TBCD: variants seen among roughly 807,000 people sequenced by gnomAD.
TBCD encodes the protein tubulin folding cofactor D.
TBCD carries 105 observed loss-of-function variants against 169.3 expected under a neutral mutation model. The ratio of observed to expected loss-of-function variants is 0.62; its 90% CI spans 0.53 to 0.73. The LOEUF is 0.73. Ranked by LOEUF, TBCD falls within the 30% of genes least tolerant of loss-of-function variation. The pLI is 0.00. For synonymous variants in TBCD, 700 were observed against 643.9 expected (o/e 1.09, Z -1.32); for missense variants, 1,444 against 1,600.1 (o/e 0.90, Z 1.66).
At chr17:82,898,100 G>T (rs893350155) in intron 17 of TBCD, among the ~76,000 whole-genome samples, 8 of 149,534 alleles carry the variant, frequency 5.3e-5, no homozygotes, top group African/African-American at 2.0e-4. Flanking sequence ...TGAGCACACG[G>T]CATGGCTCTG....
Position 82,939,415 on chromosome 17 carries a change from A to G in TBCD, c.3418A>G (p.Ser1140Gly), listed in dbSNP as rs1156739534. Residue 1140 changes from serine to glycine, a missense_variant, in exon 37 of 39, where the codon AGT becomes GGT. Physicochemically the swap from Ser to Gly is moderately conservative, Grantham distance 56. Coordinates refer to ENST00000355528, the MANE Select transcript of TBCD (RefSeq NM_005993.5). ...SQVYETLLTYSDVVGADVLDE... is the reference protein window; with the variant it reads ...SQVYETLLTYGDVVGADVLDE... Reference sequence around the variant, plus strand: ...GGTGTACGAGACATTGCTCACCTACAGTGACGTCGTGGGCGCGGATGTGCT... The same window carrying G: ...GGTGTACGAGACATTGCTCACCTACGGTGACGTCGTGGGCGCGGATGTGCT... 6.2e-7 allele frequency: 1 copy of G among 1,613,478 alleles called. No individual in the cohort carries two copies. The highest frequency in any genetic ancestry group is 1.7e-5 in the Admixed American group (1 of 59,966).
chr17:82,830,388 C>T lies in TBCD; in HGVS notation c.1318+15454C>T, dbSNP rs145009824. The T allele has an allele frequency of 1.2e-4, 189 of 1,612,296 alleles. No homozygotes were observed. The African/African-American group carries it at 2.2e-3, about 19-fold the overall frequency. On this transcript the variant is annotated intron_variant, in intron 13 of 38. Transcript: ENST00000355528. ...CCCGGATGTTCCTGGGGCTGTAGGC[C>T]GCCAGCTGGCACAGGGCCACGGCTG...
chr17:82,810,405 T>C (rs1441361964), intron 12 of TBCD, among the ~76,000 whole-genome samples: 1 of 152,200 alleles, frequency 6.6e-6, no homozygotes, highest in East Asian at 1.9e-4. Flanking sequence ...GTGCCACTGC[T>C]GCACTCCAGA....
At chr17:82,798,160 T>C (rs555860062) in intron 8 of TBCD, among the ~76,000 whole-genome samples, 2 of 148,006 alleles carry the variant, frequency 1.4e-5, no homozygotes, top group East Asian at 3.9e-4. Flanking sequence ...TATTTTTTTT[T>C]TTTTGAGATG....
At chr17:82,912,332 T>C (rs951038751) in intron 23 of TBCD, among the ~76,000 whole-genome samples, 1 of 152,052 alleles carries the variant, frequency 6.6e-6, no homozygotes. Flanking sequence ...CCCCCGGGGG[T>C]TAGGACAGTC....
In TBCD at chr17:82,895,792, C is replaced by G. The variant is rs574457407; in HGVS notation, c.1649+2160C>G. On this transcript the variant is annotated intron_variant, in intron 17 of 38. Coordinates refer to ENST00000355528, the MANE Select transcript of TBCD (RefSeq NM_005993.5). ...TGCTGGCCTGCGAGGAAGCATCAGC[C>G]GTGCTGACATGGAGATGTTTCCTCT... is the stretch of plus-strand genomic sequence containing the variant. 2.0e-5 allele frequency: 3 copies of G among 152,244 alleles called. No homozygotes were observed. The East Asian group carries it at 5.8e-4, about 30-fold the overall frequency. 9.4% of individuals were successfully genotyped at this position (152,244 alleles called of 1,614,324 possible).
intron 9 of TBCD, among the ~76,000 whole-genome samples, chr17:82,802,938 G>A (rs755419673): frequency 1.4e-4 from 21 of 152,258 alleles, no homozygotes; most frequent in Admixed American, 3.9e-4. Context: ...AATGATGTGC[G>A]TGTTGCCACA....
chr17:82,765,616 C>T (rs1357657051), intron 3 of TBCD, among the ~76,000 whole-genome samples: 1 of 152,214 alleles, frequency 6.6e-6, no homozygotes, highest in Non-Finnish European at 1.5e-5. Context: ...GACACGCAGG[C>T]CTCTGTAGCT....
chr17:82,857,002 G>C (rs552741905), intron 13 of TBCD, among the ~76,000 whole-genome samples: 1 of 151,850 alleles, frequency 6.6e-6, no homozygotes, highest in Non-Finnish European at 1.5e-5. Context: ...GCTGGACCGC[G>C]TGCGGACCCT....
rs749225304 is a variant in TBCD, at chr17:82,906,007, G to T, written c.1876G>T (p.Ala626Ser). 2.9e-5 allele frequency: 47 copies of T among 1,612,652 alleles called. No homozygotes were observed. In the Middle Eastern group the frequency reaches 5.0e-4, roughly 17 times the overall value. ...HMRHGSILACAEVAYALYKLA... is the reference protein window; with the variant it reads ...HMRHGSILACSEVAYALYKLA... ...GAGGCATGGGTCGATTCTCGCCTGCGCAGAAGTTGCTTACGCCTTGTACAA... is the reference window on the plus strand; with the variant it reads ...GAGGCATGGGTCGATTCTCGCCTGCTCAGAAGTTGCTTACGCCTTGTACAA... Residue 626 changes from alanine (A) to serine (S), a missense_variant, in exon 20 of 39, where the codon GCA becomes TCA. Ala to Ser is a moderately conservative substitution (Grantham distance 99). Transcript: ENST00000355528.
At chr17:82,926,818 G>A (rs927410041) in intron 28 of TBCD, 2 of 506,268 alleles carry the variant, frequency 4.0e-6, no homozygotes, top group African/African-American at 3.8e-5. Context: ...CACGCACCTG[G>A]GGCCACGCCA....
At chr17:82,911,164 G>A (rs1471087697) in intron 22 of TBCD, among the ~76,000 whole-genome samples, 1 of 152,224 alleles carries the variant, frequency 6.6e-6, no homozygotes, top group Non-Finnish European at 1.5e-5. Context: ...GTTGGAGCCA[G>A]CATTTCATAT....
In TBCD at chr17:82,939,847, A is replaced by T. The variant is rs114542921; in HGVS notation, c.3479+371A>T. 5.6e-3 allele frequency among the ~76,000 whole-genome samples: 854 copies of T among 152,240 alleles called. 7 individuals are homozygous for T. The highest frequency in any genetic ancestry group is 0.02 in the African/African-American group (814 of 41,534). ...TTCTCTTGGAATAGGCCGTGTGAGCACCTGTTGGAAATCAAGAGGCACAGG... is the reference window on the plus strand; with the variant it reads ...TTCTCTTGGAATAGGCCGTGTGAGCTCCTGTTGGAAATCAAGAGGCACAGG... On this transcript the variant is annotated intron_variant, in intron 37 of 38. Transcript: ENST00000355528.
At chr17:82,810,431 A>G (rs1403778949) in intron 12 of TBCD, among the ~76,000 whole-genome samples, 1 of 152,232 alleles carries the variant, frequency 6.6e-6, no homozygotes, top group African/African-American at 2.4e-5. Context: ...CAACAGAGTG[A>G]GACCCGGTCT....
rs796705284 is a variant in TBCD at position 82,846,252 on chromosome 17, C to T, written c.1319-23972C>T. Among the ~76,000 whole-genome samples the T allele has an allele frequency of 2.6e-3, 378 of 145,560 alleles. 1 individual carries two copies. Among genetic ancestry groups the T allele is most frequent in the African/African-American group, 9.4e-3 (355 of 37,748 alleles). On this transcript the variant is annotated intron_variant, in intron 13 of 38. Coordinates refer to ENST00000355528, the MANE Select transcript of TBCD (RefSeq NM_005993.5). ...CCAGCCCTCTGCTGCCCCCTCCACG[C>T]GCTGCGTCCTCTGTGCTGTGTCCTC...
intron 7 of TBCD, among the ~76,000 whole-genome samples, chr17:82,788,067 T>C (rs1480411325): frequency 6.6e-6 from 1 of 152,004 alleles, no homozygotes; most frequent in African/African-American, 2.4e-5. Flanking sequence ...TGAAACCCTG[T>C]CTCTACTAAA....
chr17:82,911,866 C>A, intron 23 of TBCD, 77 bp downstream of exon 23: 1 of 1,519,910 alleles, frequency 6.6e-7, no homozygotes, highest in Non-Finnish European at 9.1e-7. Context: ...TCGTGGCGTG[C>A]AGGGCGGCCC....
chr17:82,803,734 G>A (rs1254667733), intron 9 of TBCD, among the ~76,000 whole-genome samples: 1 of 152,188 alleles, frequency 6.6e-6, no homozygotes, highest in Non-Finnish European at 1.5e-5. Flanking sequence ...CACCATTGTT[G>A]AGGTCGGGAG....
intron 23 of TBCD, among the ~76,000 whole-genome samples, chr17:82,917,433 A>G (rs1412380875): frequency 6.6e-6 from 1 of 152,138 alleles, no homozygotes; most frequent in Non-Finnish European, 1.5e-5. Flanking sequence ...ATCCTGGAAC[A>G]TATTAAGCAT....
Sources: gnomAD v4.1 joint callset for allele counts (sites outside exome capture counted in the v4.1 genomes callset) on GRCh38, gnomAD v4.1.1 for gene constraint, MANE v1.5 for transcripts, NCBI Gene and HGNC (gene_info 2026-07-23, HGNC 2026-07-21) for gene names.